The following OR3A2 variants were observed in gnomAD, a reference collection of about 807,000 sequenced individuals.
The protein encoded by OR3A2 is olfactory receptor family 3 subfamily A member 2.
For missense variants in OR3A2, 318 were observed against 392.8 expected (o/e 0.81, Z 1.61); for synonymous variants, 126 against 159.3 (o/e 0.79, Z 1.57).
rs1017344406 is a variant in OR3A2, at chr17:3,311,656, G to A, written c.-85+24377C>T. The A allele has an allele frequency of 1.3e-5, 4 of 298,596 alleles. No individual in the cohort carries two copies. Among genetic ancestry groups the A allele is most frequent in the South Asian group, 1.2e-4 (3 of 25,162 alleles). 18.5% of individuals were successfully genotyped at this position (298,596 alleles called of 1,614,324 possible). ...CTTTATCTCAGTGTCCTATGCCCAC[G>A]TCACAGCTGCAATATTACAAATCCG... On this transcript the variant is annotated intron_variant, in intron 3 of 4. Transcript: ENST00000573491. This position sits in a 1 kb window ranked among gnomAD's most constrained non-coding sequence, Gnocchi z 4.6.
rs1039018104 is a variant in OR3A2, at chr17:3,351,878, G to A, written c.-178-15752C>T. Among the ~76,000 whole-genome samples, 7 of 151,412 alleles carry A rather than the reference G, an allele frequency of 4.6e-5. No homozygotes were observed. The South Asian group carries it at 6.3e-4, about 14-fold the overall frequency. On this transcript the variant is annotated intron_variant, in intron 2 of 4. Coordinates refer to the OR3A2 transcript ENST00000573491. ...GAACAGAGCCCTCAGAAATAACACC[G>A]CATATCTACAACTATCTGATCTTTG... is the stretch of plus-strand genomic sequence containing the variant.
intron 3 of OR3A2, among the ~76,000 whole-genome samples, chr17:3,299,530 A>C (rs1331930827): frequency 6.6e-6 from 1 of 152,120 alleles, no homozygotes; most frequent in South Asian, 2.1e-4. Context: ...AGGACCTTAG[A>C]AGTTGAGACT....
chr17:3,321,087 T>A (rs2049118188), intron 3 of OR3A2, among the ~76,000 whole-genome samples: 1 of 152,136 alleles, frequency 6.6e-6, no homozygotes, highest in African/African-American at 2.4e-5. Context: ...CTTGAAGAGG[T>A]CCTTCACATC....
intron 3 of OR3A2, among the ~76,000 whole-genome samples, chr17:3,330,725 AT>A (rs1424914180): frequency 2.6e-5 from 4 of 151,654 alleles, no homozygotes; most frequent in Non-Finnish European, 5.9e-5. Context: ...TACAGTTAAT[AT>A]TGTTATGTGT....
chr17:3,325,812 G>A (rs748654155), intron 3 of OR3A2, among the ~76,000 whole-genome samples: 2 of 151,922 alleles, frequency 1.3e-5, no homozygotes, highest in East Asian at 1.9e-4. Context: ...AAGTTCCAGG[G>A]TATACGTGCA....
At chr17:3,303,670 G>A (rs759141815) in intron 3 of OR3A2, among the ~76,000 whole-genome samples, 5 of 151,462 alleles carry the variant, frequency 3.3e-5, no homozygotes, top group South Asian at 4.2e-4. Flanking sequence ...GCTTGAACAC[G>A]GAAGGCAGAG....
At chr17:3,280,759 C>G (rs2048772285) in intron 1 of OR3A2, among the ~76,000 whole-genome samples, 1 of 152,184 alleles carries the variant, frequency 6.6e-6, no homozygotes, top group African/African-American at 2.4e-5. Flanking sequence ...CAGTGAAATG[C>G]AGAGGCAGGA....
At chr17:3,277,894 T>A in exon 2 of OR3A2, 1 of 1,476,384 alleles carries the variant, frequency 6.8e-7, no homozygotes, top group East Asian at 2.3e-5. Flanking sequence ...TGTGGCTGAA[T>A]TTTTCCTGGT....
In OR3A2 at chr17:3,291,549, G is replaced by C. The variant is rs142890752; in HGVS notation, c.-84-12396C>G. 1.9e-3 allele frequency: 2,096 copies of C among 1,085,096 alleles called. 17 individuals are homozygous for C. The African/African-American group carries it at 0.02, about 10-fold the overall frequency. 67.2% of individuals were successfully genotyped at this position (1,085,096 alleles called of 1,614,324 possible). A position where few individuals can be genotyped will look rare whatever the true frequency, so the allele number is the denominator to read the frequency against. Reference sequence around the variant, plus strand: ...TTATGCCCATGAAACAGAAACAGGTGTGAACCATTTTTTTCCTAGTTTCTG... The same window carrying C: ...TTATGCCCATGAAACAGAAACAGGTCTGAACCATTTTTTTCCTAGTTTCTG... On this transcript the variant is annotated intron_variant, in intron 3 of 4. Transcript: ENST00000573491.
chr17:3,281,789 C>G (rs564836342), intron 1 of OR3A2, among the ~76,000 whole-genome samples: 5 of 152,242 alleles, frequency 3.3e-5, no homozygotes, highest in Non-Finnish European at 5.9e-5. Context: ...CCTCGATTTC[C>G]AACTCTGTTA....
chr17:3,378,011 C>T (rs9899802), intron 2 of OR3A2, among the ~76,000 whole-genome samples: 23,048 of 152,114 alleles, frequency 0.15, 2,324 homozygotes, highest in African/African-American at 0.28. Context: ...ATGAAAGCAC[C>T]ATCTGATTGG....
At chr17:3,385,917 G>A (rs1368652275) in intron 1 of OR3A2, 2 of 398,514 alleles carry the variant, frequency 5.0e-6, no homozygotes, top group Non-Finnish European at 8.8e-6. Context: ...ATTCCCACCT[G>A]TCAGTCCACT....
At chr17:3,360,592 G>T (rs922041646) in intron 2 of OR3A2, among the ~76,000 whole-genome samples, 33 of 151,694 alleles carry the variant, frequency 2.2e-4, no homozygotes, top group Non-Finnish European at 2.9e-5. Context: ...ATTAATTTTC[G>T]TATAAGGTGT....
At chr17:3,276,143 ATTG>A (rs898750458), downstream of OR3A2, among the ~76,000 whole-genome samples, 1 of 151,098 alleles carries the variant, frequency 6.6e-6, no homozygotes, top group African/African-American at 2.5e-5. Flanking sequence ...TCATCACAAC[ATTG>A]TTGTTGCAAA....
chr17:3,377,911 C>T (rs1219260932), intron 2 of OR3A2, among the ~76,000 whole-genome samples: 3 of 152,228 alleles, frequency 2.0e-5, no homozygotes, highest in Non-Finnish European at 4.4e-5. Flanking sequence ...AGACATATAA[C>T]CACCTTTTGA....
intron 2 of OR3A2, among the ~76,000 whole-genome samples, chr17:3,357,224 C>A (rs1243786650): frequency 2.0e-5 from 3 of 151,626 alleles, no homozygotes; most frequent in African/African-American, 7.3e-5. Flanking sequence ...TTCATCACAT[C>A]CTCAGTAGCC....
intron 3 of OR3A2, among the ~76,000 whole-genome samples, chr17:3,312,307 G>A (rs1184203173): frequency 1.3e-5 from 2 of 151,994 alleles, no homozygotes; most frequent in East Asian, 3.9e-4. Context: ...ATTTGTATTC[G>A]AGTGTTGGGT....
intron 2 of OR3A2, among the ~76,000 whole-genome samples, chr17:3,380,401 T>C (rs2049724104): frequency 6.6e-6 from 1 of 152,142 alleles, no homozygotes; most frequent in Admixed American, 6.6e-5. Context: ...GCAGACACAG[T>C]TCTCCGGGTG....
intron 2 of OR3A2, among the ~76,000 whole-genome samples, chr17:3,340,132 T>G (rs999274140): frequency 6.6e-6 from 1 of 152,160 alleles, no homozygotes; most frequent in Admixed American, 6.5e-5. Flanking sequence ...CCTTTATTAT[T>G]TTTTATTACA....
Sources: allele counts gnomAD v4.1 joint callset (sites outside exome capture counted in the v4.1 genomes callset), GRCh38; gene constraint gnomAD v4.1.1; non-coding constraint Gnocchi (gnomAD v3.1); transcripts MANE v1.5; gene names NCBI Gene and HGNC (gene_info 2026-07-23, HGNC 2026-07-21).